NWD1: variants seen among roughly 807,000 people sequenced by gnomAD.
The protein encoded by NWD1 is NACHT domain- and WD repeat-containing protein 1.
NWD1 carries 129 observed loss-of-function variants against 135.1 expected under a neutral mutation model. The ratio of observed to expected loss-of-function variants is 0.96; its 90% CI spans 0.83 to 1.11. The LOEUF (loss-of-function observed/expected upper bound fraction) is 1.11, where lower values mean the gene tolerates loss of function less well. Among genes scored for constraint, NWD1 ranks in the 50% least tolerant of loss-of-function variants. NWD1 has a pLI of 0.00. For synonymous variants in NWD1, 773 were observed against 786.0 expected (o/e 0.98, Z 0.28); for missense variants, 1,740 against 1,851.3 (o/e 0.94, Z 1.10).
intron 16 of NWD1, 101 bp from the exon 17 acceptor site, chr19:16,799,785 G>A: frequency 9.0e-7 from 1 of 1,108,802 alleles, no homozygotes; most frequent in Non-Finnish European, 1.3e-6. Context: ...TGGGATTACA[G>A]GCGTGAGCCA....
chr19:16,750,365 G>C lies in NWD1; in HGVS notation c.1723G>C (p.Gly575Arg), dbSNP rs770575519. Residue 575 changes from glycine to arginine, a missense_variant, in exon 6 of 19, where the codon GGG (glycine) becomes CGG (arginine). By Grantham distance (125) the Gly-to-Arg change is moderately radical. Transcript: ENST00000524140. ...CTGCACCCGCCTGGAGCAGACACAC[G>C]GGCAGCTCCTCGTGGCCCACGTGCT... is the stretch of plus-strand genomic sequence containing the variant. ...QLCTRLEQTHGQLLVAHVLGY... is the reference protein window; with the variant it reads ...QLCTRLEQTHRQLLVAHVLGY... The C allele has an allele frequency of 1.2e-6, 2 of 1,605,130 alleles. No homozygotes were observed. Among genetic ancestry groups the C allele is most frequent in the Non-Finnish European group, 1.7e-6 (2 of 1,176,608 alleles).
At chr19:16,758,930 C>T (rs997580526) in intron 6 of NWD1, among the ~76,000 whole-genome samples, 3 of 140,766 alleles carry the variant, frequency 2.1e-5, no homozygotes, top group South Asian at 4.7e-4. Context: ...CTTGAACCCG[C>T]GAGGCGGAGG....
At chr19:16,765,533 T>C (rs544281046) in intron 10 of NWD1, among the ~76,000 whole-genome samples, 24 of 152,196 alleles carry the variant, frequency 1.6e-4, no homozygotes, top group African/African-American at 5.8e-4. Context: ...AGGGTCTCAC[T>C]GTGTTGCCCA....
At chr19:16,797,550 G>A (rs889911150) in intron 15 of NWD1, among the ~76,000 whole-genome samples, 182 bp from the exon 16 acceptor site, 1 of 152,060 alleles carries the variant, frequency 6.6e-6, no homozygotes, top group Admixed American at 6.6e-5. Context: ...GGTTCACCAT[G>A]TTGGCCAGGC....
intron 18 of NWD1, among the ~76,000 whole-genome samples, chr19:16,812,038 T>C (rs1283897918): frequency 1.3e-5 from 2 of 152,008 alleles, no homozygotes; most frequent in Non-Finnish European, 2.9e-5. Flanking sequence ...AAAACAGGCA[T>C]AGTGGCTCAT....
intron 5 of NWD1, among the ~76,000 whole-genome samples, chr19:16,745,677 C>A (rs774952944): frequency 3.3e-5 from 5 of 152,002 alleles, no homozygotes. Context: ...GAGGCAGAGG[C>A]TGTGGTAAGC....
At position 16,807,689 on chromosome 19, in the gene NWD1, T is replaced by A; in HGVS notation, c.3840T>A (p.Leu1280=). ...CGGGCCTCGTGTCGGGGGTCGTCCT[T>A]GTGTTCCCCCTGAATTCCAGGCAGG... ...LFTGLVSGVV[L]VFPLNSRQDV... Residue 1280 remains leucine, a synonymous_variant, in exon 18 of 19, where the codon CTT becomes CTA. Transcript: ENST00000524140. 1.2e-6 allele frequency: 2 copies of A among 1,612,738 alleles called. No homozygotes were observed. Among genetic ancestry groups the A allele is most frequent in the Non-Finnish European group, 1.7e-6 (2 of 1,179,284 alleles).
At chr19:16,806,109 G>A (rs1030608151) in intron 17 of NWD1, among the ~76,000 whole-genome samples, 8 of 152,080 alleles carry the variant, frequency 5.3e-5, no homozygotes, top group Non-Finnish European at 1.0e-4. Context: ...CTGACCTCAG[G>A]TGATCCATCC....
intron 18 of NWD1, among the ~76,000 whole-genome samples, chr19:16,811,630 GAAAA>G (rs1970928229): frequency 6.6e-6 from 1 of 150,872 alleles, no homozygotes; most frequent in Non-Finnish European, 1.5e-5. Context: ...GAAAAGAAAA[GAAAA>G]AAGAAATTGA....
rs1219202758 is a variant in NWD1, at chr19:16,744,703, C to T, written c.481C>T (p.His161Tyr). 2 of 1,535,854 alleles carry T rather than the reference C, an allele frequency of 1.3e-6. No individual in the cohort carries two copies. The highest frequency in any genetic ancestry group is 1.2e-5 in the South Asian group (1 of 84,058). ...GCTCATCACCCAGGAGCAGTGGCAG[C>T]ACTACCACCGGTCAGGTGAGGCCGC... The part of the protein sequence containing the change: ...LGLITQEQWQ[H>Y]YHRSVIEWEI... The change falls in exon 5 of 19, where the codon CAC becomes TAC. Residue 161 changes from histidine (H) to tyrosine (Y), a missense_variant. Physicochemically the swap from His to Tyr is moderately conservative, Grantham distance 83. Coordinates refer to ENST00000524140, the MANE Select transcript of NWD1 (RefSeq NM_001007525.5).
Position 16,792,078 on chromosome 19 carries a change from G to A in NWD1, c.3213+456G>A, listed in dbSNP as rs543967317. On this transcript the variant is annotated intron_variant, in intron 14 of 18. Transcript: ENST00000524140. The stretch of plus-strand genomic sequence containing the variant: ...CACAGTTCAGGAAACATCTGTTGGC[G>A]TCTCTTGGGGACTGACCAATGTGGG... 1.8e-4 allele frequency among the ~76,000 whole-genome samples: 27 copies of A among 152,260 alleles called. No homozygotes were observed. In the South Asian group the frequency reaches 4.1e-3, roughly 23 times the overall value.
chr19:16,723,399 A>G (rs1967209100), intron 1 of NWD1, among the ~76,000 whole-genome samples: 1 of 152,154 alleles, frequency 6.6e-6, no homozygotes, highest in South Asian at 2.1e-4. Context: ...GGGTTTCACC[A>G]TGTTGCCCAG....
intron 10 of NWD1, among the ~76,000 whole-genome samples, chr19:16,767,868 G>A (rs1969281987): frequency 6.6e-6 from 1 of 150,506 alleles, no homozygotes; most frequent in Non-Finnish European, 1.5e-5. Flanking sequence ...ACTGCTTTAG[G>A]TATTTCATAT....
At chr19:16,761,804 GA>G (rs11334873) in intron 7 of NWD1, among the ~76,000 whole-genome samples, 174 bp from the exon 8 acceptor site, 6,915 of 148,352 alleles carry the variant, frequency 0.047, 497 homozygotes, top group African/African-American at 0.16. Context: ...TTGATGTAAG[GA>G]AAAAAAAAAC....
intron 8 of NWD1, among the ~76,000 whole-genome samples, chr19:16,762,631 A>G (rs1419561001): frequency 6.6e-6 from 1 of 152,220 alleles, no homozygotes; most frequent in Non-Finnish European, 1.5e-5. Context: ...TAACTGTTGT[A>G]TAATGATTGC....
At position 16,780,036 on chromosome 19, in the gene NWD1, T is replaced by C. The variant is rs551600056; in HGVS notation, c.2731+571T>C. ...TGCTCATGTATCTGCAGTCAGTCAGTGGATTATCTAGGAGCTGGCTGAATC... is the reference window on the plus strand; with the variant it reads ...TGCTCATGTATCTGCAGTCAGTCAGCGGATTATCTAGGAGCTGGCTGAATC... On this transcript the variant is annotated intron_variant, in intron 12 of 18. Coordinates refer to ENST00000524140, the MANE Select transcript of NWD1 (RefSeq NM_001007525.5). Among the ~76,000 whole-genome samples, 3 of 152,222 alleles carry C rather than the reference T, an allele frequency of 2.0e-5. No individual in the cohort carries two copies. The East Asian group carries it at 5.8e-4, about 29-fold the overall frequency.
chr19:16,809,547 CTTTTTCTTTTTCTTTTTT>C (rs1294811035), intron 18 of NWD1, among the ~76,000 whole-genome samples: 7 of 129,948 alleles, frequency 5.4e-5, no homozygotes, highest in African/African-American at 2.3e-4. Flanking sequence ...TTTTTTTTTT[CTTTTTCTTTTTCTTTTTT>C]TTTTTTTGAG....
chr19:16,773,046 G>T, intron 10 of NWD1, 80 bp from the exon 11 acceptor site: 1 of 1,212,588 alleles, frequency 8.2e-7, no homozygotes, highest in Non-Finnish European at 1.2e-6. Context: ...TGGAGCCCCT[G>T]CAGGGAGCAG....
At chr19:16,746,636 G>T (rs1469390706) in intron 5 of NWD1, among the ~76,000 whole-genome samples, 2 of 151,050 alleles carry the variant, frequency 1.3e-5, no homozygotes, top group Non-Finnish European at 2.9e-5. Flanking sequence ...TCGCACCACT[G>T]CACTCCAGCC....
Sources: allele counts gnomAD v4.1 joint callset (sites outside exome capture counted in the v4.1 genomes callset), GRCh38; gene constraint gnomAD v4.1.1; transcripts MANE v1.5; gene names NCBI Gene and HGNC (gene_info 2026-07-23, HGNC 2026-07-21).